The following CTSO variants were observed in gnomAD, a reference collection of about 807,000 sequenced individuals.
CTSO encodes the protein cathepsin O.
CTSO carries 40 observed loss-of-function variants against 42.4 expected under a neutral mutation model. That is an observed-to-expected ratio of 0.94 (90% CI 0.73 to 1.23). CTSO has a LOEUF of 1.23. CTSO is among the 50% of genes most tolerant of loss of function. The pLI, the probability that CTSO is intolerant of heterozygous loss-of-function variation, is 0.00. For missense variants in CTSO, 441 were observed against 396.0 expected, an observed-to-expected ratio of 1.11 and a Z score of -0.96; for synonymous variants, 156 against 146.2, an observed-to-expected ratio of 1.07 and a Z score of -0.48.
intron 5 of CTSO, among the ~76,000 whole-genome samples, chr4:155,937,158 G>A (rs527713258): frequency 8.6e-5 from 13 of 151,960 alleles, no homozygotes; most frequent in Admixed American, 4.6e-4. Context: ...CATTTCTATC[G>A]TAATGACACT....
At chr4:155,936,011 A>T (rs577404381) in intron 5 of CTSO, among the ~76,000 whole-genome samples, 1 of 152,158 alleles carries the variant, frequency 6.6e-6, no homozygotes, top group Non-Finnish European at 1.5e-5. Context: ...ATTTCCTACC[A>T]TGATAAGGGA....
In CTSO at chr4:155,929,602, G is replaced by A. The variant is rs1743195688; in HGVS notation, c.778C>T (p.His260Tyr). ...WQDYLGGIIQ[H>Y]HCSSGEANHA... ...TTTGCTTCTCCACTAGAGCAGTGAT[G>A]CTGTATAATGCCTCCCAGATAATCT... Residue 260 changes from histidine (H) to tyrosine (Y), a missense_variant, in exon 6 of 8, where the codon CAT (histidine) becomes TAT (tyrosine). Coordinates refer to ENST00000433477, the MANE Select transcript of CTSO (RefSeq NM_001334.3). The A allele has an allele frequency of 6.2e-7, 1 of 1,613,832 alleles. No homozygotes were observed. The highest frequency in any genetic ancestry group is 2.2e-5 in the East Asian group (1 of 44,868).
intron 1 of CTSO, among the ~76,000 whole-genome samples, chr4:155,952,873 T>C (rs1743701235): frequency 6.6e-6 from 1 of 152,184 alleles, no homozygotes. Context: ...AATTAAATCA[T>C]GATAATGGCA....
intron 1 of CTSO, among the ~76,000 whole-genome samples, chr4:155,943,850 A>G (rs1169692862): frequency 1.3e-5 from 2 of 152,186 alleles, no homozygotes; most frequent in East Asian, 1.9e-4. Flanking sequence ...TGGTTTCTCT[A>G]TCTGGAGGGG....
chr4:155,937,526 T>G lies in CTSO; in HGVS notation c.553-43A>C, dbSNP rs781174799. The G allele has an allele frequency of 8.2e-6, 13 of 1,588,410 alleles. No individual in the cohort carries two copies. In the African/African-American group the frequency reaches 1.6e-4, roughly 20 times the overall value. ...CTGAACATGTTTACTGTCAATTGTT[T>G]TATAAATCAAATAGAACTTACTTCA... On this transcript the variant is annotated intron_variant, in intron 4 of 7. Coordinates refer to ENST00000433477, the MANE Select transcript of CTSO (RefSeq NM_001334.3).
At chr4:155,942,959 C>T (rs541141396) in intron 2 of CTSO, among the ~76,000 whole-genome samples, 197 bp downstream of exon 2, 53 of 152,136 alleles carry the variant, frequency 3.5e-4, no homozygotes, top group Non-Finnish European at 6.8e-4. Context: ...ACATTCATTT[C>T]TTAAGCAGTA....
intron 5 of CTSO, among the ~76,000 whole-genome samples, chr4:155,936,632 G>A (rs1431714243): frequency 6.6e-6 from 1 of 152,104 alleles, no homozygotes; most frequent in Non-Finnish European, 1.5e-5. Context: ...TGAGTCTCCA[G>A]CCAGCTCTGT....
chr4:155,932,484 T>C (rs750023781), intron 5 of CTSO, among the ~76,000 whole-genome samples: 1 of 152,272 alleles, frequency 6.6e-6, no homozygotes, highest in South Asian at 2.1e-4. Flanking sequence ...TCACACATCC[T>C]AAGGCTGTCA....
intron 5 of CTSO, 116 bp from the exon 6 acceptor site, chr4:155,929,821 A>G: frequency 1.1e-6 from 1 of 913,824 alleles, no homozygotes; most frequent in East Asian, 2.8e-5. Flanking sequence ...CAAAGGACCT[A>G]AACAATGGAA....
chr4:155,934,551 G>T (rs185067563), intron 5 of CTSO, among the ~76,000 whole-genome samples: 5 of 152,184 alleles, frequency 3.3e-5, no homozygotes, highest in African/African-American at 1.2e-4. Context: ...GCAGCCAGGA[G>T]GGAGGCTGTA....
At position 155,925,942 on chromosome 4, in the gene CTSO, G is replaced by T; in HGVS notation, c.*94C>A. 1 of 1,091,164 alleles carries T rather than the reference G, an allele frequency of 9.2e-7. No homozygotes were observed. The highest frequency in any genetic ancestry group is 1.4e-6 in the Non-Finnish European group (1 of 736,872). 67.6% of individuals were successfully genotyped at this position (1,091,164 alleles called of 1,614,324 possible). A position where few individuals can be genotyped will look rare whatever the true frequency, so the allele number is the denominator to read the frequency against. ...TTAGAATCTTTTGTAGGTAGTTGCT[G>T]AAACTTGAAGTTGAATAATACTTTG... On this transcript the variant is annotated 3_prime_UTR_variant, in exon 8 of 8. Transcript: ENST00000433477.
At chr4:155,932,402 A>C (rs1354772922) in intron 5 of CTSO, among the ~76,000 whole-genome samples, 1 of 152,110 alleles carries the variant, frequency 6.6e-6, no homozygotes, top group Non-Finnish European at 1.5e-5. Flanking sequence ...TCCACCATAC[A>C]TGGAAATAAT....
At chr4:155,949,430 G>T (rs1000247612) in intron 1 of CTSO, among the ~76,000 whole-genome samples, 1 of 151,922 alleles carries the variant, frequency 6.6e-6, no homozygotes, top group Non-Finnish European at 1.5e-5. Flanking sequence ...ATCAATATAC[G>T]CAATGATGTG....
intron 7 of CTSO, among the ~76,000 whole-genome samples, chr4:155,926,298 AT>A: frequency 6.6e-6 from 1 of 152,228 alleles, no homozygotes; most frequent in Non-Finnish European, 1.5e-5. Flanking sequence ...AACTAAAATA[AT>A]TTTAAAGATT....
At position 155,929,559 on chromosome 4, in the gene CTSO, G is replaced by C. The variant is rs763749060; in HGVS notation, c.821C>G (p.Thr274Ser). ...GCACTTACCTGTTTTATCAAACCCAGTTATGAGAACTGCATGATTTGCTTC... is the reference window on the plus strand; with the variant it reads ...GCACTTACCTGTTTTATCAAACCCACTTATGAGAACTGCATGATTTGCTTC... ...SGEANHAVLI[T>S]GFDKTGSTPY... Residue 274 changes from threonine to serine, a missense_variant, in exon 6 of 8, where the codon ACT becomes AGT. By Grantham distance (58) the Thr-to-Ser change is moderately conservative. Transcript: ENST00000433477. The C allele has an allele frequency of 6.2e-7, 1 of 1,612,998 alleles. No individual in the cohort carries two copies. Among genetic ancestry groups the C allele is most frequent in the East Asian group, 2.2e-5 (1 of 44,860 alleles).
chr4:155,943,925 CT>C (rs1743485459), intron 1 of CTSO, among the ~76,000 whole-genome samples: 2 of 152,144 alleles, frequency 1.3e-5, no homozygotes, highest in Admixed American at 1.3e-4. Context: ...TTAAGCTTAT[CT>C]TTTATATATA....
chr4:155,951,077 C>G (rs987459811), intron 1 of CTSO, among the ~76,000 whole-genome samples: 1 of 152,064 alleles, frequency 6.6e-6, no homozygotes, highest in Admixed American at 6.6e-5. Flanking sequence ...CATCTATTTA[C>G]ACATAAATAA....
At chr4:155,947,937 G>T (rs76337666) in intron 1 of CTSO, among the ~76,000 whole-genome samples, 3 of 152,058 alleles carry the variant, frequency 2.0e-5, no homozygotes, top group Admixed American at 2.0e-4. Context: ...TGAATACATA[G>T]GAAACTTCTC....
At chr4:155,944,127 A>G (rs1043507627) in intron 1 of CTSO, among the ~76,000 whole-genome samples, 2 of 152,188 alleles carry the variant, frequency 1.3e-5, no homozygotes, top group African/African-American at 4.8e-5. Flanking sequence ...CCTTATGGTG[A>G]GACACTCACT....
Sources: gnomAD v4.1 joint callset for allele counts (sites outside exome capture counted in the v4.1 genomes callset) on GRCh38, gnomAD v4.1.1 for gene constraint, MANE v1.5 for transcripts, NCBI Gene and HGNC (gene_info 2026-07-23, HGNC 2026-07-21) for gene names.